Variants in CEP120 observed in about 807,000 individuals in gnomAD.
The protein encoded by CEP120 is centrosomal protein of 120 kDa.
In CEP120, 113 loss-of-function variants were observed where a neutral mutation model predicts 126.5. The observed-to-expected ratio is 0.89, with a 90% CI of 0.77 to 1.04. The LOEUF (loss-of-function observed/expected upper bound fraction) is 1.04, where lower values mean the gene tolerates loss of function less well. Among genes scored for constraint, CEP120 ranks in the 50% least tolerant of loss-of-function variants. The pLI is 0.00. For missense variants in CEP120, 1,230 were observed against 1,155.7 expected (o/e 1.06, Z -0.93); for synonymous variants, 400 against 394.3 (o/e 1.01, Z -0.17).
Position 123,423,301 on chromosome 5 carries a change from G to T in CEP120, c.-303C>A. ...AGGACCTTTTGCCGCCTGCGTAGCC[G>T]CTTTTCAAACGCCCGGGCGGCCGCA... On this transcript the variant is annotated 5_prime_UTR_variant, in exon 1 of 20. Transcript: ENST00000306467. 2.4e-6 allele frequency: 1 copy of T among 419,802 alleles called. No homozygotes were observed. The highest frequency in any genetic ancestry group is 4.3e-6 in the Non-Finnish European group (1 of 235,134). The allele number at this position is 419,802 out of a possible 1,614,324, so 26.0% of individuals were successfully genotyped here.
chr5:123,363,982 T>C (rs1475253729), intron 18 of CEP120, among the ~76,000 whole-genome samples: 1 of 151,584 alleles, frequency 6.6e-6, no homozygotes, highest in Admixed American at 6.6e-5. Flanking sequence ...ACAGCATTTG[T>C]TGATTGGTAG....
chr5:123,397,325 AAAAAAATAAAAAT>A (rs1465578228), intron 5 of CEP120, among the ~76,000 whole-genome samples: 13 of 152,208 alleles, frequency 8.5e-5, no homozygotes, highest in Admixed American at 7.2e-4. Flanking sequence ...GCTCCACCTC[AAAAAAATAAAAAT>A]AAAAAATAAA....
intron 19 of CEP120, among the ~76,000 whole-genome samples, chr5:123,348,354 G>C (rs557045257): frequency 1.3e-5 from 2 of 152,272 alleles, no homozygotes; most frequent in Non-Finnish European, 2.9e-5. Context: ...CAAACAGCAG[G>C]AGCTAAATAT....
intron 17 of CEP120, among the ~76,000 whole-genome samples, chr5:123,370,580 T>C (rs756336917): frequency 4.6e-5 from 7 of 151,540 alleles, no homozygotes; most frequent in South Asian, 2.1e-4. Context: ...TGGGCTCCAG[T>C]GATCCTCCCA....
upstream of CEP120, chr5:123,423,597 T>C (rs1363619821): frequency 2.6e-5 from 4 of 154,016 alleles, no homozygotes; most frequent in East Asian, 7.7e-4. Context: ...TGTAAACGCT[T>C]CCTGAAGCTG....
chr5:123,399,298 A>T lies in CEP120; in HGVS notation c.464-14T>A. 6.2e-7 allele frequency: 1 copy of T among 1,611,722 alleles called. No homozygotes were observed. The highest frequency in any genetic ancestry group is 8.5e-7 in the Non-Finnish European group (1 of 1,178,376). On this transcript the variant is annotated splice_polypyrimidine_tract_variant and intron_variant, in intron 4 of 19. Coordinates refer to ENST00000306467, the MANE Select transcript of CEP120 (RefSeq NM_001375405.1). ...GGATGGCAGGTACTTTACAGAGAAA[A>T]ACACGATTAAACTACATTGTAGTTT...
Position 123,372,644 on chromosome 5 carries a change from G to T in CEP120, c.2481+6C>A. The stretch of plus-strand genomic sequence containing the variant: ...TAGTTAAACTGCACAAAATTAACAT[G>T]TGTACCTTTTCCAAGGTGAGAAGAT... On this transcript the variant is annotated splice_donor_region_variant and intron_variant, in intron 17 of 19. Transcript: ENST00000306467. 4 of 1,611,266 alleles carry T rather than the reference G, an allele frequency of 2.5e-6. No individual in the cohort carries two copies. The highest frequency in any genetic ancestry group is 3.4e-6 in the Non-Finnish European group (4 of 1,178,196).
intron 17 of CEP120, among the ~76,000 whole-genome samples, chr5:123,368,297 G>T (rs1253498672): frequency 6.6e-6 from 1 of 151,906 alleles, no homozygotes; most frequent in Non-Finnish European, 1.5e-5. Flanking sequence ...GGGTAAAATG[G>T]AAGTACTCTT....
Position 123,415,996 on chromosome 5 carries a change from C to G in CEP120, c.321+14G>C, listed in dbSNP as rs374692099. 1.3e-5 allele frequency: 20 copies of G among 1,543,368 alleles called. No individual in the cohort carries two copies. The African/African-American group carries it at 2.6e-4, about 20-fold the overall frequency. On this transcript the variant is annotated intron_variant, in intron 3 of 19. Transcript: ENST00000306467. ...TCTAACATAATCATTAGCAAAACAT[C>G]AAAAGGGCAATACCTGCTTTGTTTC...
intron 4 of CEP120, among the ~76,000 whole-genome samples, chr5:123,400,315 T>C (rs1229641235): frequency 3.9e-5 from 6 of 152,142 alleles, no homozygotes; most frequent in Admixed American, 6.5e-5. Context: ...AAAGCTTTTA[T>C]AGAGTTGTTG....
chr5:123,412,390 T>A lies in CEP120; in HGVS notation c.463+9A>T, dbSNP rs373258720. On this transcript the variant is annotated intron_variant, in intron 4 of 19. Transcript: ENST00000306467. ...TCTCAGAGAATGTTTTTAGAGATGA[T>A]GCACAAACCTTTTCCATCTCGAGGG... is the stretch of plus-strand genomic sequence containing the variant. The A allele has an allele frequency of 6.3e-7, 1 of 1,590,778 alleles. No individual in the cohort carries two copies. Among genetic ancestry groups the A allele is most frequent in the African/African-American group, 1.4e-5 (1 of 73,312 alleles).
At chr5:123,365,559 T>C (rs529451314) in intron 17 of CEP120, among the ~76,000 whole-genome samples, 1 of 151,752 alleles carries the variant, frequency 6.6e-6, no homozygotes, top group Non-Finnish European at 1.5e-5. Context: ...GAACATCTTC[T>C]GCAGTAATAT....
In CEP120 at chr5:123,346,555, G is replaced by A. The variant is rs147730520; in HGVS notation, c.2925C>T (p.Ile975=). 2.0e-4 allele frequency: 328 copies of A among 1,612,966 alleles called. No homozygotes were observed. Among genetic ancestry groups the A allele is most frequent in the Non-Finnish European group, 2.6e-4 (301 of 1,179,682 alleles). ...CATTGCTTTTTGCCAAAATCTCTCT[G>A]ATCTGTCGGTCGAGTTCACTTATTA... ...DRIISELDRQ[I]REILAKSNAS... is the part of the protein sequence containing the mutation. The change falls in exon 20 of 20, where the codon ATC becomes ATT. Residue 975 remains isoleucine (I), a synonymous_variant. Transcript: ENST00000306467.
intron 18 of CEP120, among the ~76,000 whole-genome samples, chr5:123,356,376 G>A (rs1163855492): frequency 6.6e-6 from 1 of 152,108 alleles, no homozygotes; most frequent in Non-Finnish European, 1.5e-5. Context: ...TGGGTAGGAA[G>A]AATCAATATC....
intron 17 of CEP120, among the ~76,000 whole-genome samples, chr5:123,369,467 A>T (rs1770698893): frequency 6.6e-6 from 1 of 151,976 alleles, no homozygotes; most frequent in Admixed American, 6.6e-5. Context: ...ATAAAAACCT[A>T]AACTCCTTGT....
intron 18 of CEP120, among the ~76,000 whole-genome samples, chr5:123,363,292 C>T (rs998352701): frequency 6.6e-6 from 1 of 151,602 alleles, no homozygotes; most frequent in Non-Finnish European, 1.5e-5. Context: ...CTTTCTCCTC[C>T]TGAGTACTCT....
At chr5:123,366,323 G>A (rs1770455173) in intron 17 of CEP120, among the ~76,000 whole-genome samples, 1 of 151,684 alleles carries the variant, frequency 6.6e-6, no homozygotes, top group African/African-American at 2.4e-5. Flanking sequence ...GGAAACCTTT[G>A]TACTTATATT....
At chr5:123,408,669 G>A (rs1208416820) in intron 4 of CEP120, among the ~76,000 whole-genome samples, 1 of 152,064 alleles carries the variant, frequency 6.6e-6, no homozygotes, top group Non-Finnish European at 1.5e-5. Context: ...AGAGATCACT[G>A]GTGAATTCCA....
intron 17 of CEP120, among the ~76,000 whole-genome samples, chr5:123,372,124 C>G (rs572894297): frequency 3.7e-4 from 56 of 152,006 alleles, no homozygotes; most frequent in Non-Finnish European, 6.0e-4. Flanking sequence ...TAGCTGAGAG[C>G]TAGAGTGCAA....
Sources: allele counts gnomAD v4.1 joint callset (sites outside exome capture counted in the v4.1 genomes callset), GRCh38; gene constraint gnomAD v4.1.1; transcripts MANE v1.5; gene names NCBI Gene and HGNC (gene_info 2026-07-23, HGNC 2026-07-21).